The following GPATCH2 variants were observed in gnomAD, a reference collection of about 807,000 sequenced individuals.
The protein encoded by GPATCH2 is G patch domain-containing protein 2.
A neutral mutation model predicts 58.0 loss-of-function variants in GPATCH2; 51 were observed. The ratio of observed to expected loss-of-function variants is 0.88; its 90% CI spans 0.70 to 1.11. The LOEUF (loss-of-function observed/expected upper bound fraction) is 1.11, where lower values mean the gene tolerates loss of function less well. GPATCH2 is among the 50% of genes most tolerant of loss of function. The pLI, the probability that GPATCH2 is intolerant of heterozygous loss-of-function variation, is 0.00. For missense variants in GPATCH2, 625 were observed against 652.2 expected (o/e 0.96, Z 0.45); for synonymous variants, 222 against 218.5 (o/e 1.02, Z -0.14).
chr1:217,531,179 T>G (rs1383086823), intron 5 of GPATCH2, among the ~76,000 whole-genome samples: 3 of 152,230 alleles, frequency 2.0e-5, no homozygotes, highest in Non-Finnish European at 4.4e-5. Context: ...TATGTCTCTG[T>G]ATCTTTCTTA....
intron 8 of GPATCH2, among the ~76,000 whole-genome samples, chr1:217,483,852 T>C (rs748295816): frequency 6.6e-6 from 1 of 152,206 alleles, no homozygotes; most frequent in African/African-American, 2.4e-5. Flanking sequence ...GTTTTCAGAG[T>C]TGTTTACATA....
At chr1:217,433,376 ATATATATATTTATTTATT>A (rs925989721) in intron 9 of GPATCH2, among the ~76,000 whole-genome samples, 9 of 61,172 alleles carry the variant, frequency 1.5e-4, no homozygotes, top group African/African-American at 2.5e-4. Flanking sequence ...ATATATATAT[ATATATATATTTATTTATT>A]TATTTATTTA....
chr1:217,501,271 C>T (rs1358556210), intron 6 of GPATCH2, among the ~76,000 whole-genome samples: 1 of 152,076 alleles, frequency 6.6e-6, no homozygotes, highest in Non-Finnish European at 1.5e-5. Flanking sequence ...TTGCATGTAT[C>T]AATAGTTTAT....
intron 5 of GPATCH2, among the ~76,000 whole-genome samples, chr1:217,526,208 T>G (rs1347017582): frequency 6.6e-6 from 1 of 152,196 alleles, no homozygotes; most frequent in Non-Finnish European, 1.5e-5. Flanking sequence ...AAAATGCTGA[T>G]AGTCTCAACA....
chr1:217,517,131 T>C (rs996063715), intron 5 of GPATCH2, among the ~76,000 whole-genome samples: 1 of 152,182 alleles, frequency 6.6e-6, no homozygotes, highest in African/African-American at 2.4e-5. Flanking sequence ...TCAGTTCAAC[T>C]GCAGCAAGTA....
chr1:217,446,221 A>C (rs532782430), intron 9 of GPATCH2, among the ~76,000 whole-genome samples: 1 of 152,266 alleles, frequency 6.6e-6, no homozygotes, highest in South Asian at 2.1e-4. Flanking sequence ...AAGGCAAAAG[A>C]AACTACGAAA....
intron 5 of GPATCH2, among the ~76,000 whole-genome samples, chr1:217,601,428 C>CA (rs35584120): frequency 0.15 from 22,615 of 145,972 alleles, 1,692 homozygotes; most frequent in Non-Finnish European, 0.18. Flanking sequence ...AACATAAAGG[C>CA]AAAAAAAAAA....
chr1:217,462,053 C>T (rs1215098496), intron 8 of GPATCH2, among the ~76,000 whole-genome samples: 3 of 152,118 alleles, frequency 2.0e-5, no homozygotes, highest in African/African-American at 2.4e-5. Flanking sequence ...ATTGAAATAA[C>T]TGGAAAGTTG....
intron 5 of GPATCH2, among the ~76,000 whole-genome samples, chr1:217,523,806 A>C (rs1212442347): frequency 2.3e-5 from 3 of 131,678 alleles, no homozygotes; most frequent in South Asian, 2.4e-4. Context: ...TGGGGGGCTG[A>C]CCCCCCCACC....
chr1:217,547,497 T>C (rs1428794702), intron 5 of GPATCH2, among the ~76,000 whole-genome samples: 1 of 152,180 alleles, frequency 6.6e-6, no homozygotes, highest in Non-Finnish European at 1.5e-5. Flanking sequence ...AGAAATACCA[T>C]TCGATCCAGC....
intron 9 of GPATCH2, among the ~76,000 whole-genome samples, chr1:217,433,307 A>T (rs1286409756): frequency 6.6e-6 from 1 of 150,764 alleles, no homozygotes. Flanking sequence ...TCTCTTTCTT[A>T]TCCTGAGTTG....
In GPATCH2 at chr1:217,610,239, A is replaced by G. The variant is rs1260554769; in HGVS notation, c.1098+82T>C. On this transcript the variant is annotated intron_variant, in intron 5 of 9. Transcript: ENST00000366935. ...TTAAGTTTAACATTAGAATATGAAT[A>G]AAGGATGAGGATGTGGCTTTTTATT... 3 of 1,521,654 alleles carry G rather than the reference A, an allele frequency of 2.0e-6. No homozygotes were observed. In the East Asian group the frequency reaches 6.8e-5, roughly 34 times the overall value. 94.3% of individuals were successfully genotyped at this position (1,521,654 alleles called of 1,614,324 possible).
intron 5 of GPATCH2, among the ~76,000 whole-genome samples, chr1:217,604,763 T>C (rs559757610): frequency 6.6e-6 from 1 of 152,232 alleles, no homozygotes; most frequent in African/African-American, 2.4e-5. Flanking sequence ...TGATGGATCA[T>C]GCCTGTAATC....
At chr1:217,555,096 G>T (rs1239185689) in intron 5 of GPATCH2, among the ~76,000 whole-genome samples, 1 of 152,070 alleles carries the variant, frequency 6.6e-6, no homozygotes, top group African/African-American at 2.4e-5. Flanking sequence ...CCATTACTTT[G>T]TTGCCACATT....
intron 5 of GPATCH2, among the ~76,000 whole-genome samples, chr1:217,594,756 T>C (rs1667745050): frequency 6.6e-6 from 1 of 152,204 alleles, no homozygotes; most frequent in African/African-American, 2.4e-5. Context: ...GGATTACTTA[T>C]TAGAAATAAG....
intron 5 of GPATCH2, among the ~76,000 whole-genome samples, chr1:217,555,195 T>C (rs1175299125): frequency 6.6e-6 from 1 of 152,188 alleles, no homozygotes; most frequent in Non-Finnish European, 1.5e-5. Context: ...ACGTGAAAAG[T>C]AATGCAGCAA....
chr1:217,620,958 A>G (rs1282312621), intron 1 of GPATCH2, among the ~76,000 whole-genome samples: 1 of 152,216 alleles, frequency 6.6e-6, no homozygotes, highest in African/African-American at 2.4e-5. Flanking sequence ...AGTCACTGTC[A>G]TATAAGAGGC....
chr1:217,510,111 C>G (rs1315957219), intron 6 of GPATCH2, among the ~76,000 whole-genome samples: 1 of 152,086 alleles, frequency 6.6e-6, no homozygotes, highest in East Asian at 1.9e-4. Context: ...TGAAAGCATG[C>G]TATACAACAG....
chr1:217,531,258 T>G (rs1428928256), intron 5 of GPATCH2, among the ~76,000 whole-genome samples: 1 of 152,200 alleles, frequency 6.6e-6, no homozygotes, highest in Non-Finnish European at 1.5e-5. Flanking sequence ...TAATAATATG[T>G]TTCTCAAAAG....
Sources: allele counts gnomAD v4.1 joint callset (sites outside exome capture counted in the v4.1 genomes callset), GRCh38; gene constraint gnomAD v4.1.1; transcripts MANE v1.5; gene names NCBI Gene and HGNC (gene_info 2026-07-23, HGNC 2026-07-21).